The following CLUAP1 variants were observed in gnomAD, a reference collection of about 807,000 sequenced individuals.
The protein encoded by CLUAP1 is clusterin-associated protein 1.
Under a neutral mutation model 55.0 loss-of-function variants are expected in CLUAP1, and 50 were observed. The ratio of observed to expected loss-of-function variants is 0.91; its 90% CI spans 0.72 to 1.15. CLUAP1 has a LOEUF of 1.15. Ranked by LOEUF, CLUAP1 falls within the 50% of genes most tolerant of loss-of-function variation. CLUAP1 has a pLI of 0.00. For synonymous variants in CLUAP1, 195 were observed against 175.4 expected, an observed-to-expected ratio of 1.11 and a Z score of -0.88; for missense variants, 530 against 507.6, an observed-to-expected ratio of 1.04 and a Z score of -0.42.
rs1480612355 is a variant in CLUAP1 at position 3,532,792 on chromosome 16, C to G, written c.1043C>G (p.Pro348Arg). Residue 348 changes from proline (P) to arginine (R), a missense_variant, in exon 11 of 12, where the codon CCT becomes CGT. Coordinates refer to ENST00000576634, the MANE Select transcript of CLUAP1 (RefSeq NM_015041.3). Reference protein sequence around the residue: ...TAMEMLMQGRPGKRIVGTMQG... With the variant: ...TAMEMLMQGRRGKRIVGTMQG... ...ATGCTTTTGTTGTTCTCAGGAAGAC[C>G]TGGCAAACGCATTGTGGGCACGATG... 1 of 1,613,932 alleles carries G rather than the reference C, an allele frequency of 6.2e-7. No individual in the cohort carries two copies. The highest frequency in any genetic ancestry group is 1.3e-5 in the African/African-American group (1 of 74,892).
intron 4 of CLUAP1, 134 bp downstream of exon 4, chr16:3,508,602 C>T (rs776827810): frequency 8.6e-6 from 6 of 701,288 alleles, no homozygotes; most frequent in Non-Finnish European, 1.3e-5. Context: ...TTGTGCTCAT[C>T]AGCATTTGGA....
rs762163947 is a variant in CLUAP1, at chr16:3,532,803, A to T, written c.1054A>T (p.Ile352Phe). ...MLMQGRPGKR[I>F]VGTMQGGDSD... ...GTTCTCAGGAAGACCTGGCAAACGCATTGTGGGCACGATGCAAGGTGGAGA... is the reference window on the plus strand; with the variant it reads ...GTTCTCAGGAAGACCTGGCAAACGCTTTGTGGGCACGATGCAAGGTGGAGA... The change falls in exon 11 of 12, where the codon ATT becomes TTT. Residue 352 changes from isoleucine (I) to phenylalanine (F), a missense_variant. Physicochemically the swap from Ile to Phe is conservative, Grantham distance 21 (BLOSUM62 0). Coordinates refer to ENST00000576634, the MANE Select transcript of CLUAP1 (RefSeq NM_015041.3). 10 of 1,613,974 alleles carry T rather than the reference A, an allele frequency of 6.2e-6. No homozygotes were observed. The highest frequency in any genetic ancestry group is 3.3e-4 in the Middle Eastern group (2 of 6,084).
chr16:3,509,508 G>A (rs186946788), intron 4 of CLUAP1, among the ~76,000 whole-genome samples: 1 of 152,352 alleles, frequency 6.6e-6, no homozygotes, highest in Admixed American at 6.5e-5. Flanking sequence ...TGGAGAGTGA[G>A]GGGTGACCGT....
At chr16:3,511,758 A>G (rs956603158) in intron 4 of CLUAP1, among the ~76,000 whole-genome samples, 2 of 152,134 alleles carry the variant, frequency 1.3e-5, no homozygotes, top group African/African-American at 4.8e-5. Flanking sequence ...TCTCTTTAGT[A>G]CTTAGATGAT....
At position 3,526,424 on chromosome 16, in the gene CLUAP1, A is replaced by T. The variant is rs1567436926; in HGVS notation, c.868A>T (p.Thr290Ser). Reference protein sequence around the residue: ...EQERFEEAKNTLCLIQNKLKE... With the variant: ...EQERFEEAKNSLCLIQNKLKE... ...TCCTCTTCCACAGGAAGCTAAAAAC[A>T]CTCTCTGCCTGATACAGAACAAGCT... The change falls in exon 9 of 12, where the codon ACT (threonine) becomes TCT (serine). Residue 290 changes from threonine (T) to serine (S), a missense_variant. Thr to Ser is a moderately conservative substitution (Grantham distance 58, BLOSUM62 1). Transcript: ENST00000576634. 6.2e-7 allele frequency: 1 copy of T among 1,604,404 alleles called. No individual in the cohort carries two copies.
At chr16:3,499,206 G>A (rs766197309), upstream of CLUAP1, among the ~76,000 whole-genome samples, 2 of 152,256 alleles carry the variant, frequency 1.3e-5, no homozygotes, top group Non-Finnish European at 2.9e-5. Context: ...TTAGCTGGGC[G>A]CGGTGGCGCG....
chr16:3,529,611 A>AT (rs1450943186), intron 9 of CLUAP1, among the ~76,000 whole-genome samples: 35 of 37,204 alleles, frequency 9.4e-4, no homozygotes, highest in South Asian at 5.4e-3. Flanking sequence ...ATTATATATT[A>AT]TATAATATTA....
chr16:3,526,505 C>T (rs768806654), intron 9 of CLUAP1, 21 bp downstream of exon 9: 84 of 1,576,884 alleles, frequency 5.3e-5, no homozygotes, highest in Middle Eastern at 3.4e-4. Context: ...GCTTCGTAGA[C>T]GAGCAGTTTA....
intron 4 of CLUAP1, 81 bp from the exon 5 acceptor site, chr16:3,512,302 C>G (rs1445026120): frequency 7.5e-6 from 8 of 1,062,308 alleles, no homozygotes; most frequent in Non-Finnish European, 1.0e-5. Flanking sequence ...TAGAGAGCAG[C>G]CTGGGTAACA....
At chr16:3,508,494 G>A (rs1423225843) in intron 4 of CLUAP1, 26 bp downstream of exon 4, 20 of 1,515,054 alleles carry the variant, frequency 1.3e-5, no homozygotes, top group Non-Finnish European at 1.8e-5. Context: ...GCCTTGTAGT[G>A]GGCGATGGAG....
chr16:3,501,249 G>T (rs1267218433), intron 1 of CLUAP1, among the ~76,000 whole-genome samples, 160 bp downstream of exon 1: 4 of 152,252 alleles, frequency 2.6e-5, no homozygotes, highest in Non-Finnish European at 4.4e-5. Flanking sequence ...GCTGCAACCC[G>T]GCCGAGCGTC....
chr16:3,536,006 C>G, intron 11 of CLUAP1, 116 bp from the exon 12 acceptor site: 1 of 1,273,102 alleles, frequency 7.9e-7, no homozygotes, highest in Non-Finnish European at 1.1e-6. Context: ...TGCCACTCTG[C>G]CAGCCTCTTC....
chr16:3,517,852 G>C (rs139452650), intron 6 of CLUAP1, among the ~76,000 whole-genome samples: 8 of 152,318 alleles, frequency 5.3e-5, no homozygotes, highest in Non-Finnish European at 1.0e-4. Context: ...TATGCTCCCA[G>C]AGTGAAAAGG....
At chr16:3,518,557 A>C (rs917839029) in intron 6 of CLUAP1, among the ~76,000 whole-genome samples, 7 of 152,174 alleles carry the variant, frequency 4.6e-5, no homozygotes, top group Non-Finnish European at 2.9e-5. Flanking sequence ...TTAAGGTGGG[A>C]TAAATTTACT....
intron 9 of CLUAP1, among the ~76,000 whole-genome samples, chr16:3,527,656 A>C (rs774496710): frequency 1.9e-4 from 29 of 152,044 alleles, no homozygotes; most frequent in Non-Finnish European, 3.4e-4. Context: ...TCCCGGTGAT[A>C]CTGTGCTTCA....
intron 11 of CLUAP1, 105 bp from the exon 12 acceptor site, chr16:3,536,017 C>A: frequency 2.1e-6 from 3 of 1,399,766 alleles, no homozygotes; most frequent in Non-Finnish European, 2.9e-6. Flanking sequence ...CAGCCTCTTC[C>A]TTCACACAGG....
rs76843565 is a variant in CLUAP1, at chr16:3,516,113, C to A, written c.579+522C>A. Among the ~76,000 whole-genome samples the A allele has an allele frequency of 5.4e-4, 82 of 152,266 alleles. No individual in the cohort carries two copies. In the East Asian group the frequency reaches 0.014, roughly 27 times the overall value. Reference sequence around the variant, plus strand: ...AGGCAAGTTACTTACCCTCTCTGTGCCTCATTTTCCTCATCTGTAAAATGG... The same window carrying A: ...AGGCAAGTTACTTACCCTCTCTGTGACTCATTTTCCTCATCTGTAAAATGG... On this transcript the variant is annotated intron_variant, in intron 6 of 11. Transcript: ENST00000576634.
chr16:3,500,501 C>T (rs2037369462), upstream of CLUAP1, among the ~76,000 whole-genome samples: 1 of 151,724 alleles, frequency 6.6e-6, no homozygotes, highest in East Asian at 1.9e-4. Context: ...TCCCGAGTAG[C>T]TGGGATTACA....
At chr16:3,524,312 A>T (rs1369527014) in intron 8 of CLUAP1, among the ~76,000 whole-genome samples, 2 of 151,522 alleles carry the variant, frequency 1.3e-5, no homozygotes, top group African/African-American at 4.8e-5. Context: ...AAAAAGAAAA[A>T]AAAAAAGGGC....
Sources: gnomAD v4.1 joint callset for allele counts (sites outside exome capture counted in the v4.1 genomes callset) on GRCh38, gnomAD v4.1.1 for gene constraint, MANE v1.5 for transcripts, NCBI Gene and HGNC (gene_info 2026-07-23, HGNC 2026-07-21) for gene names.